Variants in ASTN1 observed in about 807,000 individuals in gnomAD.
ASTN1 encodes the protein astrotactin 1, also known as astrotactin-1.
Under a neutral mutation model 140.7 loss-of-function variants are expected in ASTN1, and 41 were observed. The observed-to-expected ratio is 0.29, with a 90% CI of 0.23 to 0.38. The LOEUF (loss-of-function observed/expected upper bound fraction) is 0.38. ASTN1 is among the 10% of genes least tolerant of loss of function. ASTN1 has a pLI of 1.00. For synonymous variants in ASTN1, 640 were observed against 652.2 expected (o/e 0.98, Z 0.29); for missense variants, 1,479 against 1,678.8 (o/e 0.88, Z 2.08).
chr1:177,060,976 TAC>T lies in ASTN1; in HGVS notation c.471+100_471+101del, dbSNP rs1293164787. 4.2e-6 allele frequency: 5 copies of T among 1,177,304 alleles called. No individual in the cohort carries two copies. The African/African-American group carries it at 7.9e-5, about 19-fold the overall frequency. The allele number at this position is 1,177,304 out of a possible 1,614,324, so 72.9% of individuals were successfully genotyped here. On this transcript the variant is annotated intron_variant, in intron 2 of 22. Coordinates refer to ENST00000361833, the MANE Select transcript of ASTN1 (RefSeq NM_004319.3). ...ACTTATTAACATGATCAATGATCATTACAGAGTTAGGTCTGATAGAGTGATAT... is the reference window on the plus strand; with the variant it reads ...ACTTATTAACATGATCAATGATCATTAGAGTTAGGTCTGATAGAGTGATAT...
intron 1 of ASTN1, among the ~76,000 whole-genome samples, chr1:177,124,148 C>A (rs1282514309): frequency 2.0e-5 from 3 of 152,130 alleles, no homozygotes; most frequent in African/African-American, 7.2e-5. Flanking sequence ...GCTAGCTCAG[C>A]ATCTTTTCCC....
downstream of ASTN1, among the ~76,000 whole-genome samples, chr1:176,858,410 G>C (rs1357626052): frequency 5.3e-5 from 8 of 152,164 alleles, no homozygotes; most frequent in Non-Finnish European, 1.2e-4. Flanking sequence ...GGAGGCATTA[G>C]GTTATCAAAA....
intron 2 of ASTN1, among the ~76,000 whole-genome samples, chr1:177,033,759 C>T (rs1676572853): frequency 2.6e-5 from 4 of 152,120 alleles, no homozygotes; most frequent in African/African-American, 4.8e-5. Context: ...GCCAACACCT[C>T]GAAGGTCATT....
At chr1:176,939,487 G>A (rs1424273399) in intron 14 of ASTN1, among the ~76,000 whole-genome samples, 1 of 152,114 alleles carries the variant, frequency 6.6e-6, no homozygotes, top group Admixed American at 6.5e-5. Flanking sequence ...TTAATGCTTG[G>A]AAGTGTTTTT....
At chr1:177,110,092 TTC>T (rs1240581460) in intron 1 of ASTN1, among the ~76,000 whole-genome samples, 10 of 152,248 alleles carry the variant, frequency 6.6e-5, no homozygotes, top group African/African-American at 2.4e-4. Context: ...TAATATTTGA[TTC>T]TTTCTCACGG....
chr1:176,906,458 T>C (rs1670003871), intron 16 of ASTN1, among the ~76,000 whole-genome samples: 2 of 152,096 alleles, frequency 1.3e-5, no homozygotes, highest in African/African-American at 4.8e-5. Context: ...CATTTTCCAG[T>C]TTGCAAGGCG....
At chr1:176,897,918 C>T (rs911569392) in intron 16 of ASTN1, among the ~76,000 whole-genome samples, 24 of 152,160 alleles carry the variant, frequency 1.6e-4, no homozygotes, top group Non-Finnish European at 1.3e-4. Flanking sequence ...TCCCCACGCC[C>T]CCTCCTCTCA....
chr1:176,992,969 A>G (rs1674256978), intron 8 of ASTN1, among the ~76,000 whole-genome samples: 1 of 152,240 alleles, frequency 6.6e-6, no homozygotes, highest in Non-Finnish European at 1.5e-5. Flanking sequence ...GCTCTAATCC[A>G]ATAGGATTGG....
At chr1:176,885,187 C>T (rs947121029) in intron 18 of ASTN1, among the ~76,000 whole-genome samples, 2 of 152,194 alleles carry the variant, frequency 1.3e-5, no homozygotes, top group East Asian at 3.9e-4. Context: ...CAGTTTCTGT[C>T]TTTGCTCTTG....
chr1:176,921,521 TA>T (rs947050363), intron 16 of ASTN1, among the ~76,000 whole-genome samples: 1 of 152,076 alleles, frequency 6.6e-6, no homozygotes, highest in African/African-American at 2.4e-5. Flanking sequence ...GAAAGGAAAA[TA>T]CAAAAAAGGT....
intron 1 of ASTN1, among the ~76,000 whole-genome samples, chr1:177,124,848 G>A (rs1331032671): frequency 6.6e-6 from 1 of 152,220 alleles, no homozygotes; most frequent in African/African-American, 2.4e-5. Context: ...CAAATGCAAA[G>A]AGAAAGCATT....
intron 1 of ASTN1, among the ~76,000 whole-genome samples, chr1:177,108,426 G>T (rs868861260): frequency 6.6e-6 from 1 of 151,754 alleles, no homozygotes; most frequent in African/African-American, 2.4e-5. Flanking sequence ...ACTACTCTAG[G>T]TACCTCATAT....
intron 2 of ASTN1, among the ~76,000 whole-genome samples, chr1:177,037,015 T>G (rs1266241155): frequency 6.6e-6 from 1 of 152,132 alleles, no homozygotes; most frequent in East Asian, 1.9e-4. Context: ...AGACAGGGTT[T>G]GACCATGTCG....
intron 13 of ASTN1, among the ~76,000 whole-genome samples, chr1:176,945,656 G>C (rs1435088374): frequency 6.6e-6 from 1 of 152,194 alleles, no homozygotes; most frequent in Non-Finnish European, 1.5e-5. Flanking sequence ...GCATTTTCGT[G>C]TGGGCTTCCA....
intron 6 of ASTN1, 106 bp downstream of exon 6, chr1:177,024,477 G>T: frequency 7.1e-7 from 1 of 1,399,422 alleles, no homozygotes; most frequent in Non-Finnish European, 9.7e-7. Context: ...GTTTTCCCCC[G>T]GTAGAGTAAT....
At position 176,944,000 on chromosome 1, in the gene ASTN1, A is replaced by G. The variant is rs772515506; in HGVS notation, c.2268T>C (p.Arg756=). Residue 756 remains arginine (R), a synonymous_variant, in exon 14 of 23, where the codon CGT becomes CGC. Coordinates refer to ENST00000361833, the MANE Select transcript of ASTN1 (RefSeq NM_004319.3). The part of the protein sequence containing the change: ...KGTFRQNNFA[R]GLDQQLPDGL... ...CATCTGGCAGTTGCTGGTCTAAACC[A>G]CGAGCAAAGTTGTTTTGCCTAGAAA... 3.7e-6 allele frequency: 6 copies of G among 1,613,996 alleles called. No homozygotes were observed. Among genetic ancestry groups the G allele is most frequent in the Admixed American group, 1.7e-5 (1 of 60,014 alleles).
chr1:176,887,589 A>AT (rs578250046), intron 18 of ASTN1, among the ~76,000 whole-genome samples: 218 of 151,204 alleles, frequency 1.4e-3, no homozygotes, highest in South Asian at 2.5e-3. Context: ...ATTTGAATGC[A>AT]TTTTTTTTTG....
At chr1:176,970,014 C>G (rs117414134) in intron 8 of ASTN1, among the ~76,000 whole-genome samples, 1,916 of 152,314 alleles carry the variant, frequency 0.013, 15 homozygotes, top group Non-Finnish European at 0.021. Flanking sequence ...CACATGGAAA[C>G]GCGTATGCTG....
chr1:176,922,255 G>A lies in ASTN1; in HGVS notation c.2671+11897C>T, dbSNP rs79774241. 7.3e-3 allele frequency among the ~76,000 whole-genome samples: 1,113 copies of A among 152,232 alleles called. 9 individuals carry two copies. Among genetic ancestry groups the A allele is most frequent in the African/African-American group, 0.025 (1,047 of 41,540 alleles). ...TGTTAATGGAGCCAGAGTCCCCCTT[G>A]TGAGGAATCAGAGTTATCTGCACCT... On this transcript the variant is annotated intron_variant, in intron 16 of 22. Transcript: ENST00000361833.
Sources: gnomAD v4.1 joint callset for allele counts (sites outside exome capture counted in the v4.1 genomes callset) on GRCh38, gnomAD v4.1.1 for gene constraint, MANE v1.5 for transcripts, NCBI Gene and HGNC (gene_info 2026-07-23, HGNC 2026-07-21) for gene names.